The following CXCL13 variants were observed in gnomAD, a reference collection of about 807,000 sequenced individuals.
CXCL13 encodes the protein C-X-C motif chemokine 13.
CXCL13 carries 7 observed loss-of-function variants against 12.2 expected under a neutral mutation model. That is an observed-to-expected ratio of 0.57 (90% CI 0.33 to 1.07). The LOEUF (loss-of-function observed/expected upper bound fraction) is 1.07, where lower values mean the gene tolerates loss of function less well. Ranked by LOEUF, CXCL13 falls within the 50% of genes least tolerant of loss-of-function variation. The pLI is 0.04. For synonymous variants in CXCL13, 47 were observed against 42.4 expected, an observed-to-expected ratio of 1.11 and a Z score of -0.42; for missense variants, 113 against 127.4, an observed-to-expected ratio of 0.89 and a Z score of 0.55.
At chr4:77,518,744 C>T (rs1188061528) in intron 1 of CXCL13, among the ~76,000 whole-genome samples, 1 of 152,132 alleles carries the variant, frequency 6.6e-6, no homozygotes, top group Admixed American at 6.6e-5. Flanking sequence ...GTTTGAATTT[C>T]CTCCTGTAGC....
intron 1 of CXCL13, among the ~76,000 whole-genome samples, chr4:77,582,552 T>C (rs1311990718): frequency 6.6e-6 from 1 of 151,690 alleles, no homozygotes; most frequent in East Asian, 1.9e-4. Flanking sequence ...AAAACCAGCG[T>C]GGGGGAAGCT....
chr4:77,565,325 T>A (rs528442077), intron 1 of CXCL13, among the ~76,000 whole-genome samples: 6 of 152,044 alleles, frequency 3.9e-5, no homozygotes, highest in Non-Finnish European at 8.8e-5. Flanking sequence ...GCACACACAT[T>A]CCTCCCTCTC....
intron 1 of CXCL13, among the ~76,000 whole-genome samples, chr4:77,563,816 T>C (rs2109814363): frequency 6.6e-6 from 1 of 152,340 alleles, no homozygotes; most frequent in South Asian, 2.1e-4. Flanking sequence ...CTGTCTTCTA[T>C]GGGAGGAATG....
chr4:77,514,946 C>T (rs1221218334), intron 1 of CXCL13, among the ~76,000 whole-genome samples: 9 of 152,028 alleles, frequency 5.9e-5, no homozygotes, highest in East Asian at 3.9e-4. Context: ...TTAGGTCTAA[C>T]GTTTAAGTCT....
intron 1 of CXCL13, among the ~76,000 whole-genome samples, chr4:77,548,215 A>G (rs1427043732): frequency 6.6e-6 from 1 of 152,216 alleles, no homozygotes; most frequent in African/African-American, 2.4e-5. Context: ...AAAGAGACAA[A>G]TGGAGAGGAC....
At chr4:77,533,021 C>T (rs1724969256) in intron 1 of CXCL13, among the ~76,000 whole-genome samples, 1 of 137,448 alleles carries the variant, frequency 7.3e-6, no homozygotes, top group East Asian at 1.9e-4. Context: ...CGTCTGAAGT[C>T]TTCTTCTCTC....
chr4:77,596,539 C>T (rs1578071108), intron 1 of CXCL13, among the ~76,000 whole-genome samples: 1 of 152,238 alleles, frequency 6.6e-6, no homozygotes, highest in East Asian at 1.9e-4. Flanking sequence ...AATCCCAGCA[C>T]TTTGGGAGAC....
intron 1 of CXCL13, among the ~76,000 whole-genome samples, chr4:77,545,049 A>C (rs565883316): frequency 6.6e-6 from 1 of 152,094 alleles, no homozygotes; most frequent in Non-Finnish European, 1.5e-5. Context: ...CAAAGATCTG[A>C]TGGTTGTAGA....
chr4:77,564,922 C>A (rs1440768048), intron 1 of CXCL13, among the ~76,000 whole-genome samples: 1 of 152,168 alleles, frequency 6.6e-6, no homozygotes, highest in Non-Finnish European at 1.5e-5. Flanking sequence ...GTGGGGGCAA[C>A]CAAACATAAA....
chr4:77,601,835 T>C (rs1726885957), upstream of CXCL13, among the ~76,000 whole-genome samples: 3 of 152,286 alleles, frequency 2.0e-5, no homozygotes, highest in East Asian at 5.8e-4. Context: ...ACTGGTGGCC[T>C]GGGGAAGTTA....
At chr4:77,546,584 A>C (rs746848625) in intron 1 of CXCL13, among the ~76,000 whole-genome samples, 1 of 152,082 alleles carries the variant, frequency 6.6e-6, no homozygotes, top group Non-Finnish European at 1.5e-5. Context: ...CTGTGGGATC[A>C]GTGGTGATAT....
chr4:77,531,957 G>T (rs1724937201), intron 1 of CXCL13, among the ~76,000 whole-genome samples: 1 of 152,140 alleles, frequency 6.6e-6, no homozygotes, highest in Non-Finnish European at 1.5e-5. Context: ...CGTGAGATGG[G>T]TTTCCTGAAT....
At chr4:77,538,697 T>C (rs540164814) in intron 1 of CXCL13, among the ~76,000 whole-genome samples, 1 of 152,280 alleles carries the variant, frequency 6.6e-6, no homozygotes, top group African/African-American at 2.4e-5. Context: ...AGAGCATTAA[T>C]CATCCCATCT....
At chr4:77,572,087 C>G (rs890648543) in intron 1 of CXCL13, among the ~76,000 whole-genome samples, 1 of 151,884 alleles carries the variant, frequency 6.6e-6, no homozygotes, top group South Asian at 2.1e-4. Flanking sequence ...ACACTCACCG[C>G]GAGGGTCCGC....
intron 1 of CXCL13, among the ~76,000 whole-genome samples, chr4:77,518,848 T>A (rs1306106182): frequency 6.6e-6 from 1 of 152,236 alleles, no homozygotes; most frequent in African/African-American, 2.4e-5. Context: ...ACTGCGATCC[T>A]TTGGAGAAGG....
chr4:77,580,420 G>A (rs1316131093), intron 1 of CXCL13, among the ~76,000 whole-genome samples: 1 of 133,240 alleles, frequency 7.5e-6, no homozygotes, highest in Non-Finnish European at 1.5e-5. Context: ...TCTGCCTCCC[G>A]GGTTCAAGCA....
intron 1 of CXCL13, among the ~76,000 whole-genome samples, chr4:77,524,181 G>A (rs981306277): frequency 6.6e-6 from 1 of 152,182 alleles, no homozygotes; most frequent in Non-Finnish European, 1.5e-5. Context: ...AGGCTACATG[G>A]GGTTCAGGGA....
chr4:77,527,493 G>T (rs900136538), intron 1 of CXCL13, among the ~76,000 whole-genome samples: 1 of 151,996 alleles, frequency 6.6e-6, no homozygotes, highest in African/African-American at 2.4e-5. Context: ...TTAACCATGT[G>T]TGTTGGTTTG....
At chr4:77,515,773 T>C (rs948043046) in intron 1 of CXCL13, among the ~76,000 whole-genome samples, 2 of 152,226 alleles carry the variant, frequency 1.3e-5, no homozygotes, top group Non-Finnish European at 2.9e-5. Flanking sequence ...TTTGACTTCC[T>C]CTTTTCCTAA....
Sources: allele counts gnomAD v4.1 joint callset (sites outside exome capture counted in the v4.1 genomes callset), GRCh38; gene constraint gnomAD v4.1.1; transcripts MANE v1.5; gene names NCBI Gene and HGNC (gene_info 2026-07-23, HGNC 2026-07-21).